STXBP6: variants seen among roughly 807,000 people sequenced by gnomAD.
STXBP6 encodes syntaxin binding protein 6.
Under a neutral mutation model 26.9 loss-of-function variants are expected in STXBP6, and 21 were observed. The observed-to-expected ratio is 0.78, with a 90% CI of 0.55 to 1.12. The LOEUF (loss-of-function observed/expected upper bound fraction) is 1.12, where lower values mean the gene tolerates loss of function less well. STXBP6 is among the 50% of genes most tolerant of loss of function. The pLI is 0.00. For missense variants in STXBP6, 232 were observed against 257.9 expected (o/e 0.90, Z 0.69); for synonymous variants, 97 against 92.6 (o/e 1.05, Z -0.27).
intron 4 of STXBP6, among the ~76,000 whole-genome samples, chr14:24,834,143 C>A (rs933998076): frequency 6.6e-6 from 1 of 152,126 alleles, no homozygotes; most frequent in African/African-American, 2.4e-5. Flanking sequence ...TGCAGATGTG[C>A]ACCACCATAA....
At chr14:25,040,061 A>T (rs975040669) in intron 1 of STXBP6, among the ~76,000 whole-genome samples, 3 of 152,142 alleles carry the variant, frequency 2.0e-5, no homozygotes, top group Non-Finnish European at 4.4e-5. Context: ...ATAAAGGTTT[A>T]GAGGCACCGA....
intron 1 of STXBP6, among the ~76,000 whole-genome samples, chr14:25,034,795 C>T (rs1457213501): frequency 6.6e-6 from 1 of 152,184 alleles, no homozygotes; most frequent in African/African-American, 2.4e-5. Flanking sequence ...TAGAGGAAGC[C>T]TCAGATATTC....
chr14:24,897,931 G>A (rs2071056135), intron 2 of STXBP6, among the ~76,000 whole-genome samples: 1 of 152,146 alleles, frequency 6.6e-6, no homozygotes, highest in Admixed American at 6.5e-5. Flanking sequence ...TCCCCTGAGT[G>A]TAAATAAACA....
At chr14:25,029,925 A>G (rs1327111013) in intron 1 of STXBP6, among the ~76,000 whole-genome samples, 1 of 151,750 alleles carries the variant, frequency 6.6e-6, no homozygotes, top group East Asian at 1.9e-4. Flanking sequence ...CCAGAGGCCA[A>G]TAATAATAGC....
At chr14:24,835,319 C>T (rs149737888) in intron 4 of STXBP6, among the ~76,000 whole-genome samples, 251 of 147,586 alleles carry the variant, frequency 1.7e-3, no homozygotes, top group Middle Eastern at 0.01. Context: ...GACCCGGAGC[C>T]GTGTTTGTTA....
At chr14:24,832,134 G>A (rs879287673) in intron 4 of STXBP6, among the ~76,000 whole-genome samples, 4 of 151,926 alleles carry the variant, frequency 2.6e-5, no homozygotes, top group African/African-American at 4.8e-5. Context: ...GGAGAACTTC[G>A]CCCCATTGAG....
chr14:24,946,119 C>A (rs1296285192), intron 2 of STXBP6, among the ~76,000 whole-genome samples: 1 of 152,142 alleles, frequency 6.6e-6, no homozygotes, highest in Non-Finnish European at 1.5e-5. Flanking sequence ...TTCAACAAGT[C>A]TTTGAGTCTA....
At chr14:24,866,009 GACT>G (rs2069704973) in intron 2 of STXBP6, among the ~76,000 whole-genome samples, 1 of 152,096 alleles carries the variant, frequency 6.6e-6, no homozygotes, top group African/African-American at 2.4e-5. Flanking sequence ...ATATCAACTT[GACT>G]GGCCTGCAGT....
intron 4 of STXBP6, among the ~76,000 whole-genome samples, chr14:24,834,723 G>C (rs1194374523): frequency 1.3e-5 from 2 of 152,178 alleles, no homozygotes; most frequent in Non-Finnish European, 2.9e-5. Flanking sequence ...CCCGAACTAC[G>C]AGAGTCAAGA....
At chr14:24,908,556 G>A (rs1052736465) in intron 2 of STXBP6, among the ~76,000 whole-genome samples, 1 of 152,198 alleles carries the variant, frequency 6.6e-6, no homozygotes, top group Non-Finnish European at 1.5e-5. Context: ...CACGTCCACT[G>A]TGCTCTAGAC....
intron 1 of STXBP6, among the ~76,000 whole-genome samples, chr14:24,989,841 C>T (rs1032372084): frequency 1.3e-5 from 2 of 152,174 alleles, no homozygotes; most frequent in African/African-American, 2.4e-5. Flanking sequence ...GGAGGTGTAG[C>T]CTTCTGCCCT....
chr14:24,993,300 C>G (rs2074520438), intron 1 of STXBP6, among the ~76,000 whole-genome samples: 1 of 152,130 alleles, frequency 6.6e-6, no homozygotes, highest in African/African-American at 2.4e-5. Flanking sequence ...TAAACAGCAC[C>G]ACTATGCACC....
intron 1 of STXBP6, among the ~76,000 whole-genome samples, chr14:25,034,465 A>G (rs1237990253): frequency 6.6e-6 from 1 of 152,208 alleles, no homozygotes; most frequent in African/African-American, 2.4e-5. Context: ...TGCACTTCTT[A>G]TTAATTAACG....
intron 4 of STXBP6, among the ~76,000 whole-genome samples, chr14:24,822,801 A>G (rs1265179016): frequency 2.0e-5 from 3 of 152,182 alleles, no homozygotes; most frequent in Non-Finnish European, 2.9e-5. Flanking sequence ...AGCTTGCAGA[A>G]GATACTCCTT....
At chr14:24,866,402 T>G (rs1000671553) in intron 2 of STXBP6, among the ~76,000 whole-genome samples, 1 of 152,124 alleles carries the variant, frequency 6.6e-6, no homozygotes, top group African/African-American at 2.4e-5. Flanking sequence ...TACATATGTG[T>G]GTATATATAT....
chr14:24,989,055 T>C (rs1305077971), intron 1 of STXBP6, among the ~76,000 whole-genome samples: 2 of 152,200 alleles, frequency 1.3e-5, no homozygotes, highest in African/African-American at 4.8e-5. Flanking sequence ...AATATATACT[T>C]CATGTAAAAC....
At chr14:24,897,276 G>C (rs906563395) in intron 2 of STXBP6, among the ~76,000 whole-genome samples, 1 of 151,790 alleles carries the variant, frequency 6.6e-6, no homozygotes, top group African/African-American at 2.4e-5. Context: ...CAGGCGTGGT[G>C]GTGGGCGCCT....
intron 4 of STXBP6, among the ~76,000 whole-genome samples, chr14:24,830,879 T>A (rs886363943): frequency 6.6e-6 from 1 of 152,082 alleles, no homozygotes; most frequent in Admixed American, 6.5e-5. Context: ...AAAAGCAAGG[T>A]GAATTTGGCA....
chr14:24,911,024 T>C (rs958887089), intron 2 of STXBP6, among the ~76,000 whole-genome samples: 3 of 152,106 alleles, frequency 2.0e-5, no homozygotes, highest in Admixed American at 6.6e-5. Flanking sequence ...GTTTGAACTA[T>C]TTCATAATTA....
Sources: gnomAD v4.1 joint callset for allele counts (sites outside exome capture counted in the v4.1 genomes callset) on GRCh38, gnomAD v4.1.1 for gene constraint, MANE v1.5 for transcripts, NCBI Gene and HGNC (gene_info 2026-07-23, HGNC 2026-07-21) for gene names.